PXDNL: variants seen among roughly 807,000 people sequenced by gnomAD.
PXDNL encodes peroxidasin like, also known as probable oxidoreductase PXDNL.
A neutral mutation model predicts 150.8 loss-of-function variants in PXDNL; 145 were observed. That is an observed-to-expected ratio of 0.96 (90% CI 0.84 to 1.10). The LOEUF (loss-of-function observed/expected upper bound fraction) is 1.10. PXDNL is among the 50% of genes least tolerant of loss of function. PXDNL has a pLI of 0.00. For synonymous variants in PXDNL, 757 were observed against 725.7 expected (o/e 1.04, Z -0.69); for missense variants, 2,087 against 1,873.9 (o/e 1.11, Z -2.10).
At chr8:51,751,670 C>T (rs2037046726) in intron 1 of PXDNL, among the ~76,000 whole-genome samples, 1 of 152,226 alleles carries the variant, frequency 6.6e-6, no homozygotes, top group South Asian at 2.1e-4. Context: ...CCAGATTCCA[C>T]AGTGAACAAA....
chr8:51,581,209 T>C (rs1454236429), intron 3 of PXDNL, among the ~76,000 whole-genome samples: 2 of 152,122 alleles, frequency 1.3e-5, no homozygotes, highest in Admixed American at 6.6e-5. Context: ...AAGGTTGACC[T>C]TGTATTACCA....
chr8:51,576,851 T>TAAC (rs1813065546), intron 3 of PXDNL, among the ~76,000 whole-genome samples: 1 of 151,820 alleles, frequency 6.6e-6, no homozygotes, highest in African/African-American at 2.4e-5. Flanking sequence ...AAAAGGATAC[T>TAAC]AACAGAACAC....
At chr8:51,435,252 T>C (rs1200035652) in intron 12 of PXDNL, among the ~76,000 whole-genome samples, 1 of 151,440 alleles carries the variant, frequency 6.6e-6, no homozygotes, top group Non-Finnish European at 1.5e-5. Flanking sequence ...ACCCGGGAAG[T>C]GAAGGTTGCA....
At chr8:51,518,473 C>T (rs1811592288) in intron 4 of PXDNL, among the ~76,000 whole-genome samples, 1 of 152,094 alleles carries the variant, frequency 6.6e-6, no homozygotes, top group Non-Finnish European at 1.5e-5. Context: ...CTGTGGAATA[C>T]AGCTGAGTGT....
intron 2 of PXDNL, among the ~76,000 whole-genome samples, chr8:51,604,957 A>G (rs1455069816): frequency 1.3e-5 from 2 of 152,204 alleles, no homozygotes. Context: ...AATTATATAA[A>G]AGTTAGAAAA....
At chr8:51,539,520 T>G (rs1201841251) in intron 4 of PXDNL, among the ~76,000 whole-genome samples, 1 of 152,144 alleles carries the variant, frequency 6.6e-6, no homozygotes, top group Non-Finnish European at 1.5e-5. Context: ...TGTACAGAAT[T>G]GAATTTGTTT....
At chr8:51,543,799 C>G (rs1309425334) in intron 4 of PXDNL, among the ~76,000 whole-genome samples, 1 of 149,354 alleles carries the variant, frequency 6.7e-6, no homozygotes, top group African/African-American at 2.5e-5. Flanking sequence ...ATATGAGGAA[C>G]ATGGCTAGAA....
At position 51,453,515 on chromosome 8, in the gene PXDNL, A is replaced by C. The variant is rs1586119179; in HGVS notation, c.1249+4T>G. ...ATTTCAATCATGACCTTCTGCTCCCATACCTTGTACAATTATGTTTGCTGC... is the reference window on the plus strand; with the variant it reads ...ATTTCAATCATGACCTTCTGCTCCCCTACCTTGTACAATTATGTTTGCTGC... On this transcript the variant is annotated splice_donor_region_variant and intron_variant, in intron 10 of 22. Transcript: ENST00000356297. 1.2e-6 allele frequency: 2 copies of C among 1,613,982 alleles called. No individual in the cohort carries two copies. Among genetic ancestry groups the C allele is most frequent in the Non-Finnish European group, 1.7e-6 (2 of 1,179,832 alleles).
At chr8:51,725,207 T>C (rs1035091585) in intron 1 of PXDNL, among the ~76,000 whole-genome samples, 5 of 152,186 alleles carry the variant, frequency 3.3e-5, no homozygotes, top group African/African-American at 1.2e-4. Context: ...AGATCTTCCA[T>C]AAATATTTGT....
intron 1 of PXDNL, among the ~76,000 whole-genome samples, chr8:51,804,754 T>TA (rs2037658185): frequency 6.6e-6 from 1 of 152,136 alleles, no homozygotes; most frequent in South Asian, 2.1e-4. Flanking sequence ...TCTAATACTT[T>TA]AATCAGCATA....
At position 51,399,397 on chromosome 8, in the gene PXDNL, T is replaced by C. The variant is rs538775316; in HGVS notation, c.3557+8670A>G. Among the ~76,000 whole-genome samples the C allele has an allele frequency of 2.0e-4, 30 of 152,272 alleles. No homozygotes were observed. In the South Asian group the frequency reaches 6.2e-3, roughly 32 times the overall value. Reference sequence around the variant, plus strand: ...TTCATACAAACAATACCACTCACAATGAACAAAATATATGATCTACAGGTG... The same window carrying C: ...TTCATACAAACAATACCACTCACAACGAACAAAATATATGATCTACAGGTG... On this transcript the variant is annotated intron_variant, in intron 17 of 22. Transcript: ENST00000356297.
At chr8:51,732,752 A>G (rs1414215148) in intron 1 of PXDNL, among the ~76,000 whole-genome samples, 1 of 152,230 alleles carries the variant, frequency 6.6e-6, no homozygotes, top group Non-Finnish European at 1.5e-5. Context: ...AGCAGGCAAG[A>G]GAGCGTGTGT....
intron 21 of PXDNL, among the ~76,000 whole-genome samples, chr8:51,338,711 T>G (rs569762198): frequency 7.2e-5 from 11 of 152,250 alleles, no homozygotes; most frequent in Non-Finnish European, 1.0e-4. Flanking sequence ...TAAAAATATC[T>G]ACATCGCAAT....
chr8:51,800,511 C>G (rs1361716305), intron 1 of PXDNL, among the ~76,000 whole-genome samples: 1 of 152,144 alleles, frequency 6.6e-6, no homozygotes, highest in East Asian at 1.9e-4. Flanking sequence ...CACAGGCAGA[C>G]TCAGTGTGGA....
chr8:51,556,060 C>T (rs10093497), intron 4 of PXDNL, among the ~76,000 whole-genome samples: 4,514 of 151,992 alleles, frequency 0.03, 239 homozygotes, highest in African/African-American at 0.1. Flanking sequence ...TCTCTTGAGG[C>T]CAAAAGTTCA....
chr8:51,327,218 AGATTT>A (rs947562175), intron 21 of PXDNL, among the ~76,000 whole-genome samples: 2 of 152,174 alleles, frequency 1.3e-5, no homozygotes, highest in African/African-American at 4.8e-5. Context: ...CCATAAACCA[AGATTT>A]GGGTTGTTAC....
At chr8:51,586,827 T>A (rs1813335068) in intron 3 of PXDNL, among the ~76,000 whole-genome samples, 1 of 152,170 alleles carries the variant, frequency 6.6e-6, no homozygotes, top group African/African-American at 2.4e-5. Context: ...ACAAAGCTGC[T>A]CAGAGCTGGG....
intron 4 of PXDNL, among the ~76,000 whole-genome samples, chr8:51,530,726 C>T (rs959453540): frequency 2.0e-5 from 3 of 152,196 alleles, no homozygotes; most frequent in South Asian, 4.2e-4. Context: ...GGCTCCTTCG[C>T]TCCCTCCAGG....
intron 1 of PXDNL, among the ~76,000 whole-genome samples, chr8:51,701,289 G>A (rs1378258328): frequency 1.3e-5 from 2 of 152,032 alleles, no homozygotes; most frequent in Admixed American, 6.6e-5. Flanking sequence ...GGATGCAGGC[G>A]AATTTCAAAC....
Sources: gnomAD v4.1 joint callset for allele counts (sites outside exome capture counted in the v4.1 genomes callset) on GRCh38, gnomAD v4.1.1 for gene constraint, MANE v1.5 for transcripts, NCBI Gene and HGNC (gene_info 2026-07-23, HGNC 2026-07-21) for gene names.